Variants in UNC80 observed in about 807,000 individuals in gnomAD.
The protein encoded by UNC80 is protein unc-80 homolog.
Under a neutral mutation model 384.6 loss-of-function variants are expected in UNC80, and 164 were observed. The ratio of observed to expected loss-of-function variants is 0.43; its 90% CI spans 0.38 to 0.49. The LOEUF is 0.49. Ranked by LOEUF, UNC80 falls within the 20% of genes least tolerant of loss-of-function variation. UNC80 has a pLI of 0.00. For missense variants in UNC80, 3,330 were observed against 4,143.0 expected (o/e 0.80, Z 5.39); for synonymous variants, 1,486 against 1,527.8 (o/e 0.97, Z 0.64).
chr2:209,913,008 G>GCT (rs1176981560), intron 30 of UNC80, among the ~76,000 whole-genome samples: 1 of 152,136 alleles, frequency 6.6e-6, no homozygotes, highest in Non-Finnish European at 1.5e-5. Flanking sequence ...CATGTCTGCT[G>GCT]CTCTGGCTCT....
At chr2:209,904,724 C>G (rs1356233433) in intron 28 of UNC80, 41 bp from the exon 29 acceptor site, 3 of 1,527,480 alleles carry the variant, frequency 2.0e-6, no homozygotes, top group Non-Finnish European at 2.7e-6. Context: ...TTATCTGTAC[C>G]CTGGTTGCCT....
rs1448933389 is a variant in UNC80 at position 209,808,620 on chromosome 2, A to C, written c.939-4960A>C. 8.7e-5 allele frequency among the ~76,000 whole-genome samples: 13 copies of C among 149,756 alleles called. No homozygotes were observed. The East Asian group carries it at 2.2e-3, about 25-fold the overall frequency. On this transcript the variant is annotated intron_variant, in intron 7 of 64. Coordinates refer to ENST00000673920, the MANE Select transcript of UNC80 (RefSeq NM_001371986.1). ...TTGCTCAGAGCGTGGCCTTAGGGGGAGGCACGCCTCCAATTGGCGCGAAAG... is the reference window on the plus strand; with the variant it reads ...TTGCTCAGAGCGTGGCCTTAGGGGGCGGCACGCCTCCAATTGGCGCGAAAG...
At chr2:209,874,750 A>G (rs1019566816) in intron 23 of UNC80, among the ~76,000 whole-genome samples, 2 of 152,182 alleles carry the variant, frequency 1.3e-5, no homozygotes, top group African/African-American at 4.8e-5. Context: ...GTAAGTACAG[A>G]CTTCCCTAAC....
chr2:209,868,892 A>T (rs1439234552), intron 22 of UNC80, among the ~76,000 whole-genome samples: 1 of 152,220 alleles, frequency 6.6e-6, no homozygotes, highest in Non-Finnish European at 1.5e-5. Context: ...GGAAACTACG[A>T]AGTTATAATA....
chr2:209,827,912 T>C (rs1043469147), intron 14 of UNC80, among the ~76,000 whole-genome samples: 2 of 152,192 alleles, frequency 1.3e-5, no homozygotes, highest in African/African-American at 4.8e-5. Context: ...CATTAGCTGG[T>C]AGTCTCCAAT....
intron 20 of UNC80, 37 bp downstream of exon 20, chr2:209,840,685 G>A (rs2153829292): frequency 6.6e-7 from 1 of 1,507,728 alleles, no homozygotes; most frequent in East Asian, 2.5e-5. Flanking sequence ...GACTGTTGAA[G>A]TCGCTGATAC....
At chr2:209,944,133 C>T (rs2091792571) in intron 45 of UNC80, among the ~76,000 whole-genome samples, 1 of 152,170 alleles carries the variant, frequency 6.6e-6, no homozygotes, top group Non-Finnish European at 1.5e-5. Flanking sequence ...ACAAGCATAT[C>T]ATTTCTCTTC....
chr2:209,932,921 T>C (rs576664123), intron 38 of UNC80, among the ~76,000 whole-genome samples: 1 of 152,180 alleles, frequency 6.6e-6, no homozygotes, highest in Non-Finnish European at 1.5e-5. Context: ...TGGCCCTCCT[T>C]AGGGTGTCCA....
At chr2:209,884,699 AT>A (rs1283883505) in intron 25 of UNC80, among the ~76,000 whole-genome samples, 2 of 152,228 alleles carry the variant, frequency 1.3e-5, no homozygotes, top group African/African-American at 4.8e-5. Context: ...CATATACACC[AT>A]GGAATACTAT....
intron 4 of UNC80, among the ~76,000 whole-genome samples, chr2:209,782,553 T>C (rs1417886229): frequency 6.6e-6 from 1 of 152,088 alleles, no homozygotes. Flanking sequence ...AGATTCTAAA[T>C]GGTCTGTTTG....
In UNC80 at chr2:209,995,480, T is replaced by C. The variant is rs866296853; in HGVS notation, c.9860T>C (p.Val3287Ala). ...TSSLLQHGDT[V>A]LHISEENGME... The stretch of plus-strand genomic sequence containing the variant: ...AGCCTCCTACAGCATGGAGACACTG[T>C]CCTTCATATCAGTGAGGAAAATGGC... The change falls in exon 65 of 65, where the codon GTC becomes GCC. Residue 3287 changes from valine (V) to alanine (A), a missense_variant. Physicochemically the swap from Val to Ala is moderately conservative, Grantham distance 64. Coordinates refer to ENST00000673920, the MANE Select transcript of UNC80 (RefSeq NM_001371986.1). 1 of 1,551,852 alleles carries C rather than the reference T, an allele frequency of 6.4e-7. No individual in the cohort carries two copies. The highest frequency in any genetic ancestry group is 1.7e-4 in the Middle Eastern group (1 of 5,994).
intron 7 of UNC80, 125 bp from the exon 8 acceptor site, chr2:209,813,455 A>T: frequency 9.7e-7 from 1 of 1,027,720 alleles, no homozygotes; most frequent in Non-Finnish European, 1.4e-6. Flanking sequence ...ATTAGAGTAA[A>T]CTACGTAAGA....
chr2:209,782,358 T>G (rs1394809261), intron 4 of UNC80, among the ~76,000 whole-genome samples: 1 of 152,202 alleles, frequency 6.6e-6, no homozygotes, highest in Non-Finnish European at 1.5e-5. Flanking sequence ...TCTTTTCTCA[T>G]GTTGTTCTTG....
intron 15 of UNC80, among the ~76,000 whole-genome samples, chr2:209,829,665 T>A (rs548129474): frequency 1.3e-5 from 2 of 152,264 alleles, no homozygotes; most frequent in East Asian, 1.9e-4. Flanking sequence ...CTACCACTTA[T>A]GGGACTCCTC....
intron 21 of UNC80, 21 bp downstream of exon 21, chr2:209,842,467 G>A (rs1290060203): frequency 6.7e-7 from 1 of 1,497,720 alleles, no homozygotes; most frequent in African/African-American, 1.4e-5. Flanking sequence ...TGCATCCTAA[G>A]AATTCTATTC....
chr2:209,891,580 CTTTAA>C (rs1050604012), intron 26 of UNC80, among the ~76,000 whole-genome samples: 36 of 152,054 alleles, frequency 2.4e-4, no homozygotes, highest in African/African-American at 8.0e-4. Flanking sequence ...ATTTTAAGAA[CTTTAA>C]TTTGATGTGA....
chr2:209,808,803 C>A (rs2079115807), intron 7 of UNC80: 8 of 25,444 alleles, frequency 3.1e-4, no homozygotes, highest in African/African-American at 1.9e-3. Flanking sequence ...CCTCTGCCAC[C>A]ATGCCGCGCT....
chr2:209,977,347 G>A lies in UNC80; in HGVS notation c.8938+269G>A, dbSNP rs975084339. On this transcript the variant is annotated intron_variant, in intron 58 of 64. Transcript: ENST00000673920. Reference sequence around the variant, plus strand: ...TATATATTTTTTAATCTTCATTTTAGTAGTTAATCTCTTTCTTGAGTATTT... The same window carrying A: ...TATATATTTTTTAATCTTCATTTTAATAGTTAATCTCTTTCTTGAGTATTT... Among the ~76,000 whole-genome samples, 7 of 152,104 alleles carry A rather than the reference G, an allele frequency of 4.6e-5. No homozygotes were observed. In the East Asian group the frequency reaches 1.3e-3, roughly 29 times the overall value.
chr2:209,943,742 A>G (rs1350817736), intron 45 of UNC80, among the ~76,000 whole-genome samples: 2 of 152,194 alleles, frequency 1.3e-5, no homozygotes, highest in East Asian at 1.9e-4. Context: ...TGAACTAACT[A>G]GTAGTTGGGC....
Sources: allele counts gnomAD v4.1 joint callset (sites outside exome capture counted in the v4.1 genomes callset), GRCh38; gene constraint gnomAD v4.1.1; transcripts MANE v1.5; gene names NCBI Gene and HGNC (gene_info 2026-07-23, HGNC 2026-07-21).